ZFP64: variants seen among roughly 807,000 people sequenced by gnomAD.
The protein encoded by ZFP64 is zinc finger protein 64.
Under a neutral mutation model 51.6 loss-of-function variants are expected in ZFP64, and 14 were observed. That is an observed-to-expected ratio of 0.27 (90% CI 0.18 to 0.42). ZFP64 has a LOEUF of 0.42. Among genes scored for constraint, ZFP64 ranks in the 10% least tolerant of loss-of-function variants. The probability of loss-of-function intolerance (pLI) is 1.00; values close to 1 mark genes in which losing one functional copy is unlikely to be tolerated. For missense variants in ZFP64, 754 were observed against 906.8 expected (o/e 0.83, Z 2.16); for synonymous variants, 375 against 361.4 (o/e 1.04, Z -0.43).
chr20:52,162,235 T>C (rs1313217602), intron 4 of ZFP64, among the ~76,000 whole-genome samples: 1 of 151,470 alleles, frequency 6.6e-6, no homozygotes, highest in African/African-American at 2.4e-5. Flanking sequence ...AAGGCGGAGG[T>C]TGCAGTGTGC....
intron 7 of ZFP64, chr20:52,097,366 T>C: frequency 6.2e-7 from 1 of 1,612,616 alleles, no homozygotes; most frequent in Non-Finnish European, 8.5e-7. Context: ...ACAGAATGGA[T>C]ACCTACCCGT....
intron 6 of ZFP64, among the ~76,000 whole-genome samples, chr20:52,097,907 TA>T (rs67721947): frequency 0.91 from 137,319 of 151,020 alleles, 62,613 homozygotes; most frequent in East Asian, 1. Flanking sequence ...GCCCCCTATT[TA>T]AAAAAAAAAA....
chr20:52,139,611 C>T (rs1980153857), intron 5 of ZFP64, among the ~76,000 whole-genome samples: 1 of 151,770 alleles, frequency 6.6e-6, no homozygotes, highest in East Asian at 1.9e-4. Flanking sequence ...TGCAATTTAC[C>T]CAGGTAAAAA....
At chr20:52,115,455 C>T (rs1320291872) in intron 5 of ZFP64, among the ~76,000 whole-genome samples, 1 of 148,188 alleles carries the variant, frequency 6.7e-6, no homozygotes, top group Non-Finnish European at 1.5e-5. Context: ...CACTCTGTCA[C>T]CCAGGCTGGA....
chr20:52,160,389 A>G lies in ZFP64; in HGVS notation c.512-15T>C. 2 of 1,589,082 alleles carry G rather than the reference A, an allele frequency of 1.3e-6. No homozygotes were observed. The highest frequency in any genetic ancestry group is 1.7e-6 in the Non-Finnish European group (2 of 1,165,522). ...GGGTTTGTCTCCTTCAAACACATAC[A>G]CACACAGATGGCAGCAGGAAACAAG... On this transcript the variant is annotated splice_polypyrimidine_tract_variant and intron_variant, in intron 4 of 5. Coordinates refer to ENST00000216923, the MANE Select transcript of ZFP64 (RefSeq NM_018197.3). This position sits in a 1 kb window ranked among gnomAD's most constrained non-coding sequence, Gnocchi z 4.2.
chr20:52,161,450 C>CTTTTTTTTTTTTTTTTTTT (rs11469696), intron 4 of ZFP64, among the ~76,000 whole-genome samples: 1 of 115,148 alleles, frequency 8.7e-6, no homozygotes, highest in African/African-American at 3.3e-5. Flanking sequence ...TGATTGCTTT[C>CTTTTTTTTTTTTTTTTTTT]TTTTTTTTTT....
Position 52,191,697 on chromosome 20 carries a change from A to C in ZFP64, c.-61T>G. 1 of 1,537,526 alleles carries C rather than the reference A, an allele frequency of 6.5e-7. No homozygotes were observed. Among genetic ancestry groups the C allele is most frequent in the Non-Finnish European group, 8.7e-7 (1 of 1,145,596 alleles). On this transcript the variant is annotated 5_prime_UTR_variant, in exon 1 of 6. The change abolishes an upstream ATG in the 5' untranslated region. Coordinates refer to ENST00000216923, the MANE Select transcript of ZFP64 (RefSeq NM_018197.3). This position sits in a 1 kb window ranked among gnomAD's most constrained non-coding sequence, Gnocchi z 4.3. ...GCCAAAGTGGGGGACGCTGATCTAC[A>C]TGGTGCAAGGACTTTTCCTTTTATT...
intron 3 of ZFP64, 49 bp from the exon 4 acceptor site, chr20:52,164,806 T>C (rs747856702): frequency 1.8e-5 from 28 of 1,520,468 alleles, no homozygotes; most frequent in Non-Finnish European, 2.5e-5. Context: ...TTAGTAACTT[T>C]TAGCATGGAG....
chr20:52,103,207 T>TGTTCC (rs1440576100), intron 5 of ZFP64, among the ~76,000 whole-genome samples: 2 of 152,194 alleles, frequency 1.3e-5, no homozygotes, highest in African/African-American at 2.4e-5. Context: ...AAACGGATGA[T>TGTTCC]GTTCCCTCAG....
At chr20:52,097,028 G>A (rs2078995993) in intron 7 of ZFP64, 2 of 633,386 alleles carry the variant, frequency 3.2e-6, no homozygotes, top group Admixed American at 1.9e-5. Flanking sequence ...AGTTGCCCAT[G>A]GGCTGCAGTT....
chr20:52,184,209 G>C lies in ZFP64; in HGVS notation c.286+2623C>G, dbSNP rs191921507. 3.8e-3 allele frequency among the ~76,000 whole-genome samples: 581 copies of C among 152,278 alleles called. 1 individual carries two copies. The highest frequency in any genetic ancestry group is 6.8e-3 in the Non-Finnish European group (463 of 68,016). On this transcript the variant is annotated intron_variant, in intron 2 of 5. Transcript: ENST00000216923. Reference sequence around the variant, plus strand: ...TTGGGTAAACATTCTCTGAGAATAAGCTAGAAGAAACTTATGGACTCAGTC... The same window carrying C: ...TTGGGTAAACATTCTCTGAGAATAACCTAGAAGAAACTTATGGACTCAGTC...
At chr20:52,118,905 G>A (rs542139020) in intron 5 of ZFP64, among the ~76,000 whole-genome samples, 2 of 152,312 alleles carry the variant, frequency 1.3e-5, no homozygotes, top group South Asian at 2.1e-4. Flanking sequence ...CACATTGGGA[G>A]GCCAAAGTGA....
intron 7 of ZFP64, among the ~76,000 whole-genome samples, chr20:52,093,143 ATTTT>A (rs564342669): frequency 1.4e-5 from 2 of 147,396 alleles, no homozygotes; most frequent in Admixed American, 6.8e-5. Flanking sequence ...TAAAAAAAAA[ATTTT>A]TTTTTTTTTA....
chr20:52,150,617 A>C (rs73914228), downstream of ZFP64, among the ~76,000 whole-genome samples: 70 of 152,368 alleles, frequency 4.6e-4, no homozygotes, highest in African/African-American at 1.6e-3. Context: ...TGGCAAATAT[A>C]GCAAGTCATC....
At chr20:52,189,214 G>T (rs1470172365) in intron 1 of ZFP64, among the ~76,000 whole-genome samples, 1 of 151,946 alleles carries the variant, frequency 6.6e-6, no homozygotes, top group Non-Finnish European at 1.5e-5. Context: ...TGGCGAACAT[G>T]GTGAAACCCC....
At position 52,111,003 on chromosome 20, in the gene ZFP64, C is replaced by G. The variant is rs1022456591; in HGVS notation, c.764-12416G>C. ...TGGGAATGACCTTGTAGAAAGTGAC[C>G]GTATCCAGGGGAAGGGCGCGCTTGG... On this transcript the variant is annotated intron_variant, in intron 5 of 8. Coordinates refer to the ZFP64 transcript ENST00000361387. 3.3e-6 allele frequency: 5 copies of G among 1,498,306 alleles called. No individual in the cohort carries two copies. In the African/African-American group the frequency reaches 6.9e-5, roughly 21 times the overall value. The allele number at this position is 1,498,306 out of a possible 1,614,324, so 92.8% of individuals were successfully genotyped here. A position where few individuals can be genotyped will look rare whatever the true frequency, so the allele number is the denominator to read the frequency against.
chr20:52,130,112 T>G (rs6021721), intron 5 of ZFP64, among the ~76,000 whole-genome samples: 55,569 of 152,022 alleles, frequency 0.37, 10,911 homozygotes, highest in Non-Finnish European at 0.42. Context: ...GGAGAACTAC[T>G]CTGACCCGCA....
intron 5 of ZFP64, among the ~76,000 whole-genome samples, chr20:52,144,070 C>T (rs1190915104): frequency 7.6e-6 from 1 of 131,338 alleles, no homozygotes; most frequent in East Asian, 2.5e-4. Flanking sequence ...TTGCTGATTC[C>T]CCCTTTAATT....
intron 2 of ZFP64, among the ~76,000 whole-genome samples, chr20:52,166,830 C>G (rs1025686744): frequency 2.0e-5 from 3 of 152,100 alleles, no homozygotes; most frequent in African/African-American, 7.2e-5. Context: ...CAGCCAAATG[C>G]ATTAAGTGCT....
Sources: gnomAD v4.1 joint callset for allele counts (sites outside exome capture counted in the v4.1 genomes callset) on GRCh38, gnomAD v4.1.1 for gene constraint, Gnocchi (gnomAD v3.1) non-coding constraint, MANE v1.5 for transcripts, NCBI Gene and HGNC (gene_info 2026-07-23, HGNC 2026-07-21) for gene names.